The following DGKB variants were observed in gnomAD, a reference collection of about 807,000 sequenced individuals.
DGKB encodes 90 kDa diacylglycerol kinase.
A neutral mutation model predicts 114.3 loss-of-function variants in DGKB; 67 were observed. That is an observed-to-expected ratio of 0.59 (90% CI 0.48 to 0.72). The LOEUF is 0.72. Among genes scored for constraint, DGKB ranks in the 30% least tolerant of loss-of-function variants. The pLI, the probability that DGKB is intolerant of heterozygous loss-of-function variation, is 0.00. For synonymous variants in DGKB, 398 were observed against 323.1 expected, an observed-to-expected ratio of 1.23 and a Z score of -2.49; for missense variants, 907 against 975.2, an observed-to-expected ratio of 0.93 and a Z score of 0.93.
chr7:14,338,303 C>T (rs1252271529), intron 23 of DGKB, among the ~76,000 whole-genome samples: 1 of 151,778 alleles, frequency 6.6e-6, no homozygotes, highest in Non-Finnish European at 1.5e-5. Flanking sequence ...GAGCTATATA[C>T]GAAGAAGAAT....
intron 23 of DGKB, among the ~76,000 whole-genome samples, chr7:14,210,455 C>A (rs1787574313): frequency 6.6e-6 from 1 of 152,098 alleles, no homozygotes; most frequent in Non-Finnish European, 1.5e-5. Flanking sequence ...AGACATTTAA[C>A]TTTTCATTTT....
At chr7:14,576,277 T>C (rs1799106865) in intron 19 of DGKB, among the ~76,000 whole-genome samples, 1 of 152,038 alleles carries the variant, frequency 6.6e-6, no homozygotes, top group African/African-American at 2.4e-5. Context: ...ACTGCAAGAT[T>C]ACAATAATTA....
At chr7:14,689,199 A>ATTTTATTTAT (rs1463452859) in intron 9 of DGKB, among the ~76,000 whole-genome samples, 1 of 76,566 alleles carries the variant, frequency 1.3e-5, no homozygotes, top group Admixed American at 1.9e-4. Flanking sequence ...AACTCCTCTT[A>ATTTTATTTAT]TTTTTTTTTT....
intron 12 of DGKB, among the ~76,000 whole-genome samples, chr7:14,676,727 T>C (rs960054388): frequency 1.1e-4 from 17 of 151,960 alleles, no homozygotes; most frequent in African/African-American, 4.1e-4. Flanking sequence ...GTTTTAAAGA[T>C]AACCTATATC....
chr7:14,607,567 T>G (rs62445597), intron 16 of DGKB, 59 bp from the exon 17 acceptor site: 13,911 of 724,516 alleles, frequency 0.019, 199 homozygotes, highest in South Asian at 0.024. Context: ...TTAAAATAAG[T>G]AATGTCTCTC....
intron 21 of DGKB, among the ~76,000 whole-genome samples, chr7:14,474,953 A>G (rs926091232): frequency 1.3e-5 from 2 of 152,146 alleles, no homozygotes; most frequent in African/African-American, 4.8e-5. Context: ...AGATTTATAT[A>G]GAAATTTGGA....
At chr7:14,806,422 A>G (rs2128064979) in intron 2 of DGKB, among the ~76,000 whole-genome samples, 1 of 152,188 alleles carries the variant, frequency 6.6e-6, no homozygotes, top group Non-Finnish European at 1.5e-5. Context: ...TAAGCTCATA[A>G]CATTTAATAC....
chr7:14,422,883 T>C (rs892452428), intron 21 of DGKB, among the ~76,000 whole-genome samples: 1 of 152,002 alleles, frequency 6.6e-6, no homozygotes, highest in African/African-American at 2.4e-5. Flanking sequence ...ACCTCACTGG[T>C]ATGCGGTTAA....
At chr7:14,341,071 T>C (rs1168650327) in intron 22 of DGKB, among the ~76,000 whole-genome samples, 1 of 151,788 alleles carries the variant, frequency 6.6e-6, no homozygotes, top group Non-Finnish European at 1.5e-5. Flanking sequence ...ATTCATGTTT[T>C]CACTCTTCAG....
Position 14,145,916 on chromosome 7 carries a change from C to T in DGKB, c.*3215G>A, listed in dbSNP as rs553733155. The T allele has an allele frequency of 6.6e-6, 1 of 152,318 alleles. No individual in the cohort carries two copies. Among genetic ancestry groups the T allele is most frequent in the East Asian group, 1.9e-4 (1 of 5,176 alleles). 9.4% of individuals were successfully genotyped at this position (152,318 alleles called of 1,614,324 possible). A position where few individuals can be genotyped will look rare whatever the true frequency, so the allele number is the denominator to read the frequency against. On this transcript the variant is annotated 3_prime_UTR_variant, in exon 26 of 26. Coordinates refer to ENST00000402815, the MANE Select transcript of DGKB (RefSeq NM_001350709.2). ...ATTCTTCCCTGAAAAATTGCAACTA[C>T]TTCCCATATGCCTAAAAAACGAAAA... is the stretch of plus-strand genomic sequence containing the variant.
In DGKB at chr7:14,345,055, C is replaced by A. The variant is rs1402351382; in HGVS notation, c.1926+246G>T. On this transcript the variant is annotated intron_variant, in intron 22 of 25. Transcript: ENST00000402815. ...TGCCCAGTAACAACTGCATCAATTT[C>A]CAAAGTTGTGTTCCACTTCTCATTC... Among the ~76,000 whole-genome samples, 4 of 151,780 alleles carry A rather than the reference C, an allele frequency of 2.6e-5. No individual in the cohort carries two copies. In the East Asian group the frequency reaches 7.7e-4, roughly 29 times the overall value.
intron 23 of DGKB, among the ~76,000 whole-genome samples, chr7:14,319,607 G>T (rs1807343821): frequency 6.6e-6 from 1 of 152,092 alleles, no homozygotes; most frequent in Admixed American, 6.6e-5. Context: ...GGGATCCTGA[G>T]ACTAAAAGTT....
chr7:14,660,174 G>A (rs997338921), intron 13 of DGKB, among the ~76,000 whole-genome samples: 1 of 151,952 alleles, frequency 6.6e-6, no homozygotes, highest in East Asian at 1.9e-4. Context: ...TGTTCCTCAA[G>A]GATATTGGTC....
At chr7:14,810,995 A>G (rs537189227) in intron 2 of DGKB, among the ~76,000 whole-genome samples, 3 of 152,194 alleles carry the variant, frequency 2.0e-5, no homozygotes, top group Non-Finnish European at 4.4e-5. Flanking sequence ...CTCTATAGCC[A>G]TGTGTGGCTA....
At chr7:14,645,169 G>C (rs970821175) in intron 13 of DGKB, among the ~76,000 whole-genome samples, 4 of 152,018 alleles carry the variant, frequency 2.6e-5, no homozygotes, top group Non-Finnish European at 5.9e-5. Flanking sequence ...AAAAACCCCA[G>C]ACTCAGACTC....
chr7:14,454,138 T>C (rs1436260034), intron 21 of DGKB, among the ~76,000 whole-genome samples: 1 of 152,132 alleles, frequency 6.6e-6, no homozygotes, highest in Non-Finnish European at 1.5e-5. Context: ...ACTTTTCTAG[T>C]GTTAGAACAT....
intron 20 of DGKB, among the ~76,000 whole-genome samples, chr7:14,569,862 C>T (rs1798117883): frequency 6.6e-6 from 1 of 151,544 alleles, no homozygotes; most frequent in Non-Finnish European, 1.5e-5. Flanking sequence ...TTATTCTGAT[C>T]TTGTGTGTCT....
At chr7:14,789,047 A>C (rs1302937866) in intron 2 of DGKB, among the ~76,000 whole-genome samples, 1 of 152,056 alleles carries the variant, frequency 6.6e-6, no homozygotes, top group Non-Finnish European at 1.5e-5. Flanking sequence ...AACCTTAAGC[A>C]CAAAAAAGCT....
At chr7:14,176,775 T>G (rs1781800196) in intron 25 of DGKB, 64 bp downstream of exon 25, 1 of 1,565,694 alleles carries the variant, frequency 6.4e-7, no homozygotes, top group African/African-American at 1.4e-5. Flanking sequence ...GTTATTGTGG[T>G]TATTTAGTCA....
Sources: allele counts gnomAD v4.1 joint callset (sites outside exome capture counted in the v4.1 genomes callset), GRCh38; gene constraint gnomAD v4.1.1; transcripts MANE v1.5; gene names NCBI Gene and HGNC (gene_info 2026-07-23, HGNC 2026-07-21).